Variants in PIWIL3 observed in about 807,000 individuals in gnomAD.
The protein encoded by PIWIL3 is piwi like RNA-mediated gene silencing 3.
A neutral mutation model predicts 109.7 loss-of-function variants in PIWIL3; 101 were observed. The ratio of observed to expected loss-of-function variants is 0.92; its 90% CI spans 0.78 to 1.09. PIWIL3 has a LOEUF of 1.09. PIWIL3 is among the 50% of genes least tolerant of loss of function. The pLI is 0.00. For synonymous variants in PIWIL3, 373 were observed against 376.4 expected (o/e 0.99, Z 0.10); for missense variants, 1,031 against 1,072.6 (o/e 0.96, Z 0.54).
At chr22:24,722,273 G>A (rs574938066) in intron 19 of PIWIL3, among the ~76,000 whole-genome samples, 1 of 152,164 alleles carries the variant, frequency 6.6e-6, no homozygotes, top group Admixed American at 6.5e-5. Flanking sequence ...TAGTGGAGAC[G>A]AGGTTTCACT....
intron 13 of PIWIL3, 130 bp from the exon 14 acceptor site, chr22:24,734,286 T>C: frequency 7.3e-7 from 1 of 1,368,338 alleles, no homozygotes; most frequent in Admixed American, 3.1e-5. Context: ...AAAGTATGTT[T>C]AAAAGAAAAA....
intron 1 of PIWIL3, among the ~76,000 whole-genome samples, chr22:24,772,037 A>G (rs1333924661): frequency 6.6e-6 from 1 of 152,226 alleles, no homozygotes; most frequent in Non-Finnish European, 1.5e-5. Context: ...GTTGGCCAAC[A>G]GAACTGTGTT....
Position 24,760,780 on chromosome 22 carries a change from C to CAAAAAAAAAAA in PIWIL3, c.103-802_103-792dup, listed in dbSNP as rs61469163. On this transcript the variant is annotated intron_variant, in intron 2 of 20. Coordinates refer to ENST00000616349, the MANE Select transcript of PIWIL3 (RefSeq NM_001255975.1). ...GGGCAACAAGAGCGAAACTCTGTCT[C>CAAAAAAAAAAA]AAAAAAAAAAAAAAAAAAAAAAAGC... is the stretch of plus-strand genomic sequence containing the variant. Among the ~76,000 whole-genome samples the CAAAAAAAAAAA allele has an allele frequency of 1.0e-3, 41 of 41,020 alleles. 2 individuals carry two copies. Among genetic ancestry groups the CAAAAAAAAAAA allele is most frequent in the East Asian group, 2.1e-3 (2 of 940 alleles). 26.9% of individuals were successfully genotyped at this position (41,020 alleles called of 152,430 possible).
At chr22:24,729,008 G>A (rs754852662) in intron 14 of PIWIL3, among the ~76,000 whole-genome samples, 4 of 152,152 alleles carry the variant, frequency 2.6e-5, no homozygotes, top group Admixed American at 1.3e-4. Context: ...AAGGCCTAAC[G>A]CAGAAATGCT....
At chr22:24,773,744 TCAC>T in intron 1 of PIWIL3, among the ~76,000 whole-genome samples, 1 of 123,806 alleles carries the variant, frequency 8.1e-6, no homozygotes, top group Admixed American at 8.8e-5. Flanking sequence ...GGAGTCTCAC[TCAC>T]TCTGTTGCCC....
In PIWIL3 at chr22:24,756,776, C is replaced by A. The variant is rs1925060701; in HGVS notation, c.356-71G>T. On this transcript the variant is annotated intron_variant, in intron 4 of 20. Coordinates refer to ENST00000616349, the MANE Select transcript of PIWIL3 (RefSeq NM_001255975.1). ...CCCAAAACAAACAGTTTGGACACTA[C>A]AATATTAAAAGCCAAAGTTAGGGCT... 1.2e-4 allele frequency: 169 copies of A among 1,358,530 alleles called. 3 individuals carry two copies. The South Asian group carries it at 2.1e-3, about 17-fold the overall frequency. The allele number at this position is 1,358,530 out of a possible 1,614,324, so 84.2% of individuals were successfully genotyped here.
At chr22:24,756,371 T>TG (rs1481238270) in intron 5 of PIWIL3, 120 bp downstream of exon 5, 2 of 925,390 alleles carry the variant, frequency 2.2e-6, no homozygotes, top group East Asian at 5.3e-5. Flanking sequence ...ACAAGTCATA[T>TG]GGGCAAGAGA....
chr22:24,735,634 A>G, intron 13 of PIWIL3, 74 bp downstream of exon 13: 1 of 1,393,098 alleles, frequency 7.2e-7, no homozygotes, highest in South Asian at 1.5e-5. Flanking sequence ...AATTCCTACA[A>G]TTTAATATTT....
At chr22:24,723,320 T>C in intron 18 of PIWIL3, 65 bp from the exon 19 acceptor site, 3 of 1,492,420 alleles carry the variant, frequency 2.0e-6, no homozygotes, top group Non-Finnish European at 2.8e-6. Context: ...ACACAGTGTA[T>C]TGAAACATCT....
At chr22:24,749,924 G>A in intron 9 of PIWIL3, 105 bp from the exon 10 acceptor site, 6 of 1,504,796 alleles carry the variant, frequency 4.0e-6, no homozygotes, top group Non-Finnish European at 4.6e-6. Context: ...AAGGGCCACA[G>A]GCGTGCTGGT....
intron 19 of PIWIL3, among the ~76,000 whole-genome samples, chr22:24,720,259 G>GTTTTGTTTT (rs1922586427): frequency 9.5e-6 from 1 of 105,492 alleles, no homozygotes; most frequent in Non-Finnish European, 2.0e-5. Context: ...TATTTAAACT[G>GTTTTGTTTT]TTTTTTTTTT....
chr22:24,758,367 A>G (rs893778246), intron 3 of PIWIL3, among the ~76,000 whole-genome samples: 3 of 152,208 alleles, frequency 2.0e-5, no homozygotes, highest in African/African-American at 7.2e-5. Flanking sequence ...GCTGCCCCCT[A>G]GTGGGCATCA....
At chr22:24,754,655 T>C (rs997248435) in intron 7 of PIWIL3, 129 bp downstream of exon 7, 7 of 683,820 alleles carry the variant, frequency 1.0e-5, no homozygotes, top group Non-Finnish European at 1.8e-5. Flanking sequence ...AAATTGTTCA[T>C]GGTCAGTGGA....
intron 13 of PIWIL3, among the ~76,000 whole-genome samples, chr22:24,735,457 C>A (rs1472228351): frequency 6.6e-6 from 1 of 152,158 alleles, no homozygotes; most frequent in Non-Finnish European, 1.5e-5. Flanking sequence ...TGGAAACATG[C>A]GTGAGAATTC....
At chr22:24,747,865 C>G (rs535575829) in intron 12 of PIWIL3, among the ~76,000 whole-genome samples, 1 of 152,262 alleles carries the variant, frequency 6.6e-6, no homozygotes, top group South Asian at 2.1e-4. Context: ...CTATGGAGAA[C>G]AGTTTGGAGG....
In PIWIL3 at chr22:24,762,532, C is replaced by A. The variant is rs781127905; in HGVS notation, c.-22-11G>T. The A allele has an allele frequency of 6.3e-6, 10 of 1,591,342 alleles. No individual in the cohort carries two copies. Among genetic ancestry groups the A allele is most frequent in the Middle Eastern group, 1.7e-4 (1 of 5,950 alleles). Reference sequence around the variant, plus strand: ...CTGAAGGTGATGACCCTGAAGAATACAGTTATATTAGACATCTCTGTGGAG... The same window carrying A: ...CTGAAGGTGATGACCCTGAAGAATAAAGTTATATTAGACATCTCTGTGGAG... On this transcript the variant is annotated splice_polypyrimidine_tract_variant and intron_variant, in intron 1 of 20. Coordinates refer to ENST00000616349, the MANE Select transcript of PIWIL3 (RefSeq NM_001255975.1).
chr22:24,744,217 G>T lies in PIWIL3; in HGVS notation c.1449+4690C>A, dbSNP rs1442833900. On this transcript the variant is annotated intron_variant, in intron 12 of 20. Coordinates refer to ENST00000616349, the MANE Select transcript of PIWIL3 (RefSeq NM_001255975.1). ...AAAAAAAAAAAAAAAACAATGATCTGCTGCCTGCAAAAAACACTTGACCTA... is the reference window on the plus strand; with the variant it reads ...AAAAAAAAAAAAAAAACAATGATCTTCTGCCTGCAAAAAACACTTGACCTA... Among the ~76,000 whole-genome samples, 4 of 83,476 alleles carry T rather than the reference G, an allele frequency of 4.8e-5. No homozygotes were observed. The East Asian group carries it at 1.3e-3, about 26-fold the overall frequency. The allele number at this position is 83,476 out of a possible 152,430, so 54.8% of individuals were successfully genotyped here. A position where few individuals can be genotyped will look rare whatever the true frequency, so the allele number is the denominator to read the frequency against.
Position 24,758,041 on chromosome 22 carries a change from T to TGCATAAATG in PIWIL3, c.224-11_224-3dup. The stretch of plus-strand genomic sequence containing the variant: ...CCTCAGGTCCAGGTTCCTTCACCCC[T>TGCATAAATG]GCATAAATGTAAACGCCAGAAGTTT... On this transcript the variant is annotated splice_region_variant and splice_polypyrimidine_tract_variant and intron_variant, in intron 3 of 20. Coordinates refer to ENST00000616349, the MANE Select transcript of PIWIL3 (RefSeq NM_001255975.1). The TGCATAAATG allele has an allele frequency of 6.2e-7, 1 of 1,601,100 alleles. No individual in the cohort carries two copies. The highest frequency in any genetic ancestry group is 8.5e-7 in the Non-Finnish European group (1 of 1,176,524).
intron 1 of PIWIL3, among the ~76,000 whole-genome samples, chr22:24,768,239 G>C (rs1925913206): frequency 6.6e-6 from 1 of 151,224 alleles, no homozygotes; most frequent in South Asian, 2.1e-4. Context: ...TTTTGTTGTT[G>C]TTGTTTGTTT....
Sources: allele counts gnomAD v4.1 joint callset (sites outside exome capture counted in the v4.1 genomes callset), GRCh38; gene constraint gnomAD v4.1.1; transcripts MANE v1.5; gene names NCBI Gene and HGNC (gene_info 2026-07-23, HGNC 2026-07-21).